Variants in SNTG2 observed in about 807,000 individuals in gnomAD.
SNTG2 encodes the protein gamma-2-syntrophin.
In SNTG2, 74 loss-of-function variants were observed where a neutral mutation model predicts 70.9. The ratio of observed to expected loss-of-function variants is 1.04; its 90% confidence interval spans 0.86 to 1.27. SNTG2 has a LOEUF of 1.27. Among genes scored for constraint, SNTG2 ranks in the 50% most tolerant of loss-of-function variants. SNTG2 has a pLI of 0.00. For missense variants in SNTG2, 717 were observed against 690.7 expected, an observed-to-expected ratio of 1.04 and a Z score of -0.43; for synonymous variants, 278 against 273.8, an observed-to-expected ratio of 1.02 and a Z score of -0.15.
At chr2:1,168,194 ACAGACGGCAGAACTGAAGCCTACAGGCCG>A (rs1403557503) in intron 7 of SNTG2, among the ~76,000 whole-genome samples, 3 of 127,696 alleles carry the variant, frequency 2.3e-5, no homozygotes, top group Non-Finnish European at 5.1e-5. Flanking sequence ...GAAGCTGCCC[ACAGACGGCAGAACTGAAGCCTACAGGCCG>A]CCCACAGACG....
intron 6 of SNTG2, chr2:1,158,505 GAGAA>G (rs1178955322): frequency 6.8e-6 from 1 of 147,652 alleles, no homozygotes; most frequent in Non-Finnish European, 1.5e-5. Flanking sequence ...GAGAAGAAGT[GAGAA>G]AGAAAGAAGA....
chr2:1,260,589 TTAAC>T (rs1332621397), intron 13 of SNTG2, among the ~76,000 whole-genome samples: 3 of 152,220 alleles, frequency 2.0e-5, no homozygotes, highest in Non-Finnish European at 4.4e-5. Flanking sequence ...GAATAAAACA[TTAAC>T]TGTGGTTTTC....
chr2:960,753 G>A (rs1365267019), intron 1 of SNTG2, among the ~76,000 whole-genome samples: 1 of 149,288 alleles, frequency 6.7e-6, no homozygotes, highest in East Asian at 2.0e-4. Context: ...AGCACGGTGA[G>A]CTCTGAGGGT....
At chr2:1,070,317 G>A (rs1021644323) in intron 1 of SNTG2, among the ~76,000 whole-genome samples, 2 of 152,072 alleles carry the variant, frequency 1.3e-5, no homozygotes, top group African/African-American at 2.4e-5. Flanking sequence ...GCAAATGGAT[G>A]TGGGCTCCCG....
At chr2:1,274,596 C>T (rs1679196649) in intron 14 of SNTG2, among the ~76,000 whole-genome samples, 1 of 151,966 alleles carries the variant, frequency 6.6e-6, no homozygotes, top group African/African-American at 2.4e-5. Context: ...ATGATTCTGC[C>T]CTGGATTTTG....
intron 14 of SNTG2, among the ~76,000 whole-genome samples, chr2:1,279,076 TGACCCCTCTGTCAGTGC>T (rs1679406598): frequency 3.7e-5 from 3 of 80,478 alleles, no homozygotes; most frequent in East Asian, 1.7e-3. Context: ...AGTGCGCGAA[TGACCCCTCTGTCAGTGC>T]GCGAATCACC....
intron 8 of SNTG2, among the ~76,000 whole-genome samples, chr2:1,197,462 CAT>C (rs1360532842): frequency 2.1e-5 from 2 of 96,122 alleles, no homozygotes; most frequent in Admixed American, 1.2e-4. Context: ...TCAGAGCATG[CAT>C]ATATATATGT....
At position 1,155,039 on chromosome 2, in the gene SNTG2, A is replaced by G. The variant is rs190491581; in HGVS notation, c.412-10509A>G. On this transcript the variant is annotated intron_variant, in intron 6 of 16. Transcript: ENST00000308624. ...TAGTCATACACCACACATACCACAC[A>G]TACACACCACACACATAAACACAAA... Among the ~76,000 whole-genome samples, 691 of 151,824 alleles carry G rather than the reference A, an allele frequency of 4.6e-3. 5 individuals are homozygous for G. Among genetic ancestry groups the G allele is most frequent in the Admixed American group, 0.012 (185 of 15,228 alleles).
At chr2:1,265,097 C>T (rs1158603659) in intron 13 of SNTG2, among the ~76,000 whole-genome samples, 2 of 151,538 alleles carry the variant, frequency 1.3e-5, no homozygotes, top group Non-Finnish European at 2.9e-5. Context: ...ATGTGCGTTC[C>T]CACATAAATA....
At chr2:1,117,054 C>G (rs1266697213) in intron 4 of SNTG2, among the ~76,000 whole-genome samples, 1 of 62,876 alleles carries the variant, frequency 1.6e-5, no homozygotes, top group Non-Finnish European at 3.4e-5. Context: ...TGTGGGTGCT[C>G]TGGTGTGTGG....
intron 9 of SNTG2, among the ~76,000 whole-genome samples, chr2:1,222,127 C>CTCTGTCTCTGTCTCTGTCTCTCTCTG (rs1345883336): frequency 8.7e-6 from 1 of 115,304 alleles, no homozygotes; most frequent in African/African-American, 3.8e-5. Flanking sequence ...CTCTCTCTGT[C>CTCTGTCTCTGTCTCTGTCTCTCTCTG]TCTCTCTGTC....
At chr2:1,341,510 C>A (rs1660085567) in intron 16 of SNTG2, 1 of 152,252 alleles carries the variant, frequency 6.6e-6, no homozygotes, top group Non-Finnish European at 1.5e-5. Flanking sequence ...TCCCAGGTAA[C>A]CTCCGGGAGC....
intron 16 of SNTG2, among the ~76,000 whole-genome samples, chr2:1,333,659 A>G (rs1027990569): frequency 6.6e-6 from 1 of 152,218 alleles, no homozygotes; most frequent in African/African-American, 2.4e-5. Flanking sequence ...ACTGATCTTG[A>G]CAAAGCATAC....
chr2:1,079,795 GA>G (rs1664163254), intron 1 of SNTG2, among the ~76,000 whole-genome samples: 1 of 152,110 alleles, frequency 6.6e-6, no homozygotes, highest in Non-Finnish European at 1.5e-5. Context: ...GAATTAGTTG[GA>G]AGTTAATATC....
rs114488413 is a variant in SNTG2, at chr2:1,301,451, A to G, written c.1285-7043A>G. 4.4e-3 allele frequency among the ~76,000 whole-genome samples: 666 copies of G among 152,352 alleles called. 7 individuals are homozygous for G. Among genetic ancestry groups the G allele is most frequent in the African/African-American group, 0.015 (624 of 41,574 alleles). On this transcript the variant is annotated intron_variant, in intron 14 of 16. Coordinates refer to ENST00000308624, the MANE Select transcript of SNTG2 (RefSeq NM_018968.4). ...ATATTATGGCCTCAAACTTCCCCACATTGGCTAGAGACGTAAACCTACATA... is the reference window on the plus strand; with the variant it reads ...ATATTATGGCCTCAAACTTCCCCACGTTGGCTAGAGACGTAAACCTACATA...
chr2:1,140,444 T>C (rs1572543919), intron 6 of SNTG2, among the ~76,000 whole-genome samples: 1 of 152,138 alleles, frequency 6.6e-6, no homozygotes, highest in Middle Eastern at 3.4e-3. Flanking sequence ...TGTCACTCAG[T>C]GTGACATCCC....
At chr2:1,228,315 G>C (rs1447969291) in intron 9 of SNTG2, among the ~76,000 whole-genome samples, 1 of 152,218 alleles carries the variant, frequency 6.6e-6, no homozygotes, top group Non-Finnish European at 1.5e-5. Flanking sequence ...GGACTGCAAG[G>C]CCGGCTCTGG....
intron 1 of SNTG2, among the ~76,000 whole-genome samples, chr2:1,059,851 T>TA (rs1450970735): frequency 6.6e-6 from 1 of 152,144 alleles, no homozygotes; most frequent in Non-Finnish European, 1.5e-5. Context: ...ATTTAATTAC[T>TA]ACAACATACC....
chr2:1,276,040 G>A (rs114038257), intron 14 of SNTG2, among the ~76,000 whole-genome samples: 1,614 of 152,308 alleles, frequency 0.011, 24 homozygotes, highest in African/African-American at 0.036. Context: ...CTTAGAGAAG[G>A]GAGGAAGCTG....
Sources: allele counts gnomAD v4.1 joint callset (sites outside exome capture counted in the v4.1 genomes callset), GRCh38; gene constraint gnomAD v4.1.1; transcripts MANE v1.5; gene names NCBI Gene and HGNC (gene_info 2026-07-23, HGNC 2026-07-21).